The following FAM98B variants were observed in gnomAD, a reference collection of about 807,000 sequenced individuals.
FAM98B encodes tRNA splicing ligase complex subunit 3B.
In FAM98B, 32 loss-of-function variants were observed where a neutral mutation model predicts 43.9. The observed-to-expected ratio is 0.73, with a 90% CI of 0.55 to 0.98. The LOEUF is 0.98. Among genes scored for constraint, FAM98B ranks in the 50% least tolerant of loss-of-function variants. The pLI is 0.00. For synonymous variants in FAM98B, 190 were observed against 174.0 expected (o/e 1.09, Z -0.72); for missense variants, 514 against 522.9 (o/e 0.98, Z 0.17).
At chr15:38,468,830 C>T (rs1000635545) in intron 3 of FAM98B, among the ~76,000 whole-genome samples, 9 of 152,158 alleles carry the variant, frequency 5.9e-5, no homozygotes, top group Non-Finnish European at 1.3e-4. Context: ...TGTATTTTTG[C>T]TCAGCTGAAG....
At chr15:38,459,582 G>GGA (rs1279335817) in intron 1 of FAM98B, 12 of 244,932 alleles carry the variant, frequency 4.9e-5, no homozygotes, top group Non-Finnish European at 9.7e-5. Flanking sequence ...AAGAACCAGT[G>GGA]AGCCCATGGT....
At chr15:38,459,584 G>GA (rs1209123960) in intron 1 of FAM98B, 12 of 241,954 alleles carry the variant, frequency 5.0e-5, no homozygotes, top group Non-Finnish European at 9.9e-5. Flanking sequence ...GAACCAGTGA[G>GA]CCCATGGTCT....
Position 38,464,168 on chromosome 15 carries a change from AC to A in FAM98B, c.209del (p.Thr70SerfsTer8). 1 of 1,612,412 alleles carries A rather than the reference AC, an allele frequency of 6.2e-7. No homozygotes were observed. The highest frequency in any genetic ancestry group is 1.1e-5 in the South Asian group (1 of 90,720). ...ATTATGCAACTTGGAAGAAAGTATC[AC>A]GTCTGCTGGTATTGCCATTATGTTG... ...KSLCNLEESI[T>X]SAGRDDLESF... On this transcript the variant is annotated frameshift_variant, in exon 2 of 8. Coordinates refer to ENST00000397609, the MANE Select transcript of FAM98B (RefSeq NM_173611.4). LOFTEE classifies it high-confidence loss of function.
chr15:38,459,409 A>G, intron 1 of FAM98B: 1 of 384,742 alleles, frequency 2.6e-6, no homozygotes. Context: ...CTGGATGCGA[A>G]AATAGCAGAC....
intron 6 of FAM98B, among the ~76,000 whole-genome samples, chr15:38,478,415 T>C (rs1330986839): frequency 6.6e-6 from 1 of 152,228 alleles, no homozygotes; most frequent in Admixed American, 6.5e-5. Flanking sequence ...TATGATTATA[T>C]GCATTTGTAT....
At chr15:38,471,160 A>C (rs1207056038) in intron 4 of FAM98B, among the ~76,000 whole-genome samples, 1 of 152,126 alleles carries the variant, frequency 6.6e-6, no homozygotes, top group East Asian at 1.9e-4. Flanking sequence ...CTCCATTTTT[A>C]GACACAGTGC....
At chr15:38,467,974 C>T (rs968580682) in intron 3 of FAM98B, among the ~76,000 whole-genome samples, 1 of 152,134 alleles carries the variant, frequency 6.6e-6, no homozygotes, top group Admixed American at 6.5e-5. Flanking sequence ...AATACATACA[C>T]ACACACATGC....
rs1890120238 is a variant in FAM98B at position 38,470,848 on chromosome 15, A to G, written c.531+443A>G. Among the ~76,000 whole-genome samples, 3 of 152,222 alleles carry G rather than the reference A, an allele frequency of 2.0e-5. No individual in the cohort carries two copies. In the South Asian group the frequency reaches 6.2e-4, roughly 32 times the overall value. ...AGTTTTTGGTGGATAAATGTTTAGTAAGAGTAAGTGCATTATATAATGAAT... is the reference window on the plus strand; with the variant it reads ...AGTTTTTGGTGGATAAATGTTTAGTGAGAGTAAGTGCATTATATAATGAAT... On this transcript the variant is annotated intron_variant, in intron 4 of 7. Coordinates refer to ENST00000397609, the MANE Select transcript of FAM98B (RefSeq NM_173611.4).
intron 1 of FAM98B, among the ~76,000 whole-genome samples, chr15:38,454,821 A>G (rs1022153699): frequency 6.6e-6 from 1 of 152,208 alleles, no homozygotes. Context: ...AGGGAAAAGG[A>G]TAGTTTTTCA....
chr15:38,484,254 G>A lies in FAM98B; in HGVS notation c.898-1G>A. On this transcript the variant is annotated splice_acceptor_variant, in intron 7 of 7. Transcript: ENST00000397609. LOFTEE classifies it high-confidence loss of function. Reference sequence around the variant, plus strand: ...CTAAAAGAAAATGTTTCTTCACACAGGTGCTGATGGGAAGGGTGCCTGACA... The same window carrying A: ...CTAAAAGAAAATGTTTCTTCACACAAGTGCTGATGGGAAGGGTGCCTGACA... 1.2e-5 allele frequency: 19 copies of A among 1,548,466 alleles called. No individual in the cohort carries two copies. The highest frequency in any genetic ancestry group is 1.7e-5 in the Non-Finnish European group (19 of 1,146,298).
intron 1 of FAM98B, among the ~76,000 whole-genome samples, chr15:38,456,893 AAG>A (rs1414198135): frequency 6.6e-6 from 1 of 152,186 alleles, no homozygotes; most frequent in Non-Finnish European, 1.5e-5. Flanking sequence ...AATTGGATTC[AAG>A]AGTTAGGTGA....
chr15:38,455,048 A>G (rs1299437486), intron 1 of FAM98B, among the ~76,000 whole-genome samples: 1 of 151,772 alleles, frequency 6.6e-6, no homozygotes, highest in African/African-American at 2.4e-5. Context: ...CTGCCCATTC[A>G]TTTGTCTCTT....
chr15:38,486,655 G>C lies in FAM98B; in HGVS notation c.*1996G>C, dbSNP rs999333597. 1 of 152,110 alleles carries C rather than the reference G, an allele frequency of 6.6e-6. No homozygotes were observed. Among genetic ancestry groups the C allele is most frequent in the African/African-American group, 2.4e-5 (1 of 41,442 alleles). The allele number at this position is 152,110 out of a possible 1,614,324, so 9.4% of individuals were successfully genotyped here. A position where few individuals can be genotyped will look rare whatever the true frequency, so the allele number is the denominator to read the frequency against. ...CACTTGCTCCTGGAATCGTGTTGGA[G>C]CTGAAACCACTCCTATGTACACATT... On this transcript the variant is annotated 3_prime_UTR_variant, in exon 8 of 8. Coordinates refer to ENST00000397609, the MANE Select transcript of FAM98B (RefSeq NM_173611.4).
At chr15:38,460,133 G>A (rs1889924468) in intron 1 of FAM98B, among the ~76,000 whole-genome samples, 2 of 152,186 alleles carry the variant, frequency 1.3e-5, no homozygotes, top group African/African-American at 4.8e-5. Flanking sequence ...ATGCTTCCAG[G>A]GTATGAGGCT....
chr15:38,466,904 G>T (rs927002896), intron 3 of FAM98B, among the ~76,000 whole-genome samples: 1 of 152,076 alleles, frequency 6.6e-6, no homozygotes, highest in Non-Finnish European at 1.5e-5. Flanking sequence ...TCTTAAATAA[G>T]ATTAAGATCC....
At chr15:38,474,392 C>T (rs753326585) in intron 6 of FAM98B, 94 bp downstream of exon 6, 31 of 746,822 alleles carry the variant, frequency 4.2e-5, no homozygotes, top group African/African-American at 4.1e-4. Context: ...CACATTTGTA[C>T]TTCATCACCA....
intron 5 of FAM98B, 59 bp from the exon 6 acceptor site, chr15:38,474,123 C>A: frequency 1.5e-6 from 2 of 1,294,112 alleles, no homozygotes; most frequent in African/African-American, 1.5e-5. Context: ...TTTCAGATTT[C>A]TTTTCTTTGC....
chr15:38,462,721 C>T (rs1346735182), intron 1 of FAM98B, among the ~76,000 whole-genome samples: 1 of 152,158 alleles, frequency 6.6e-6, no homozygotes, highest in Non-Finnish European at 1.5e-5. Flanking sequence ...AAAACCCCTA[C>T]AATTCTAAAT....
At chr15:38,463,244 C>T (rs762233478) in intron 1 of FAM98B, among the ~76,000 whole-genome samples, 2 of 152,098 alleles carry the variant, frequency 1.3e-5, no homozygotes, top group African/African-American at 2.4e-5. Flanking sequence ...CACCTGTAAT[C>T]CCAGTACTTT....
Sources: gnomAD v4.1 joint callset for allele counts (sites outside exome capture counted in the v4.1 genomes callset) on GRCh38, gnomAD v4.1.1 for gene constraint, MANE v1.5 for transcripts, NCBI Gene and HGNC (gene_info 2026-07-23, HGNC 2026-07-21) for gene names.